CAMTA1: variants seen among roughly 807,000 people sequenced by gnomAD.
CAMTA1 encodes the protein calmodulin binding transcription activator 1.
A neutral mutation model predicts 170.9 loss-of-function variants in CAMTA1; 27 were observed. The ratio of observed to expected loss-of-function variants is 0.16; its 90% CI spans 0.12 to 0.22. CAMTA1 has a LOEUF of 0.22. CAMTA1 is among the 10% of genes least tolerant of loss of function. The pLI is 1.00. For synonymous variants in CAMTA1, 833 were observed against 891.5 expected, an observed-to-expected ratio of 0.93 and a Z score of 1.17; for missense variants, 1,619 against 2,217.2, an observed-to-expected ratio of 0.73 and a Z score of 5.42.
At chr1:7,617,830 G>A (rs1019765467) in intron 6 of CAMTA1, among the ~76,000 whole-genome samples, 2 of 152,090 alleles carry the variant, frequency 1.3e-5, no homozygotes, top group African/African-American at 4.8e-5. Context: ...GGAGAATCGG[G>A]GTCCCCAACT....
At chr1:7,073,111 T>C (rs1455276328) in intron 3 of CAMTA1, among the ~76,000 whole-genome samples, 1 of 152,112 alleles carries the variant, frequency 6.6e-6, no homozygotes, top group Non-Finnish European at 1.5e-5. Flanking sequence ...ATTTTGGCCA[T>C]ATTTTGAAGG....
intron 17 of CAMTA1, 59 bp from the exon 18 acceptor site, chr1:7,745,786 C>T: frequency 3.1e-6 from 5 of 1,602,056 alleles, no homozygotes; most frequent in African/African-American, 1.3e-5. Flanking sequence ...TCATTAATAT[C>T]TAATGGGTGG....
chr1:7,602,634 GT>G (rs1286957728), intron 6 of CAMTA1, among the ~76,000 whole-genome samples: 2 of 152,114 alleles, frequency 1.3e-5, no homozygotes, highest in Admixed American at 6.5e-5. Flanking sequence ...TTTTTGAAGG[GT>G]TTTTTGTGTC....
intron 5 of CAMTA1, among the ~76,000 whole-genome samples, chr1:7,417,638 A>T (rs996450495): frequency 1.3e-5 from 2 of 152,152 alleles, no homozygotes; most frequent in African/African-American, 4.8e-5. Flanking sequence ...TGCAGTATTT[A>T]GGGTGGGAGT....
At chr1:7,573,703 T>G (rs1367564284) in intron 6 of CAMTA1, among the ~76,000 whole-genome samples, 1 of 152,200 alleles carries the variant, frequency 6.6e-6, no homozygotes, top group South Asian at 2.1e-4. Context: ...GCCTCTAGTG[T>G]GTCTCTCCAG....
intron 4 of CAMTA1, among the ~76,000 whole-genome samples, chr1:7,175,864 A>C (rs1203347624): frequency 6.6e-6 from 1 of 152,128 alleles, no homozygotes; most frequent in Non-Finnish European, 1.5e-5. Flanking sequence ...GGTTTCAGAA[A>C]GGCTCTTTCC....
chr1:7,082,569 T>C (rs1423828653), intron 3 of CAMTA1, among the ~76,000 whole-genome samples: 1 of 152,204 alleles, frequency 6.6e-6, no homozygotes, highest in South Asian at 2.1e-4. Flanking sequence ...TTGCCTGGCA[T>C]TGAATTCCTC....
intron 4 of CAMTA1, among the ~76,000 whole-genome samples, chr1:7,131,968 T>C (rs1308048196): frequency 2.6e-5 from 4 of 151,924 alleles, no homozygotes; most frequent in Non-Finnish European, 5.9e-5. Flanking sequence ...GGCAGGAGAA[T>C]CGCCTGAACC....
At chr1:7,382,007 C>T (rs1451632380) in intron 5 of CAMTA1, among the ~76,000 whole-genome samples, 2 of 152,182 alleles carry the variant, frequency 1.3e-5, no homozygotes, top group African/African-American at 4.8e-5. Context: ...AATGCAGTAC[C>T]ACTGTCCTCA....
At chr1:7,360,626 C>T (rs1471489869) in intron 5 of CAMTA1, among the ~76,000 whole-genome samples, 1 of 152,194 alleles carries the variant, frequency 6.6e-6, no homozygotes, top group Non-Finnish European at 1.5e-5. Flanking sequence ...ATGGGAGGTG[C>T]TCATGCCTTT....
chr1:7,704,936 G>C (rs1268544686), intron 11 of CAMTA1, among the ~76,000 whole-genome samples: 22 of 143,414 alleles, frequency 1.5e-4, no homozygotes, highest in Admixed American at 1.4e-3. Flanking sequence ...GGGCGCGTGC[G>C]GTCGAGGGCG....
chr1:6,929,905 T>C (rs1209429363), intron 3 of CAMTA1, among the ~76,000 whole-genome samples: 2 of 152,212 alleles, frequency 1.3e-5, no homozygotes, highest in African/African-American at 4.8e-5. Flanking sequence ...CTTCGGTCCA[T>C]GAGCACCTAG....
At chr1:7,491,569 C>A (rs1161142759) in intron 6 of CAMTA1, among the ~76,000 whole-genome samples, 2 of 152,088 alleles carry the variant, frequency 1.3e-5, no homozygotes, top group Admixed American at 1.3e-4. Flanking sequence ...AAAGGCAGAG[C>A]GTTAAATAAT....
intron 5 of CAMTA1, among the ~76,000 whole-genome samples, chr1:7,421,619 C>G (rs993964480): frequency 6.6e-6 from 1 of 152,198 alleles, no homozygotes; most frequent in African/African-American, 2.4e-5. Flanking sequence ...ACGGCCTCCC[C>G]CTCTTGGGCT....
Position 7,248,970 on chromosome 1 carries a change from G to T in CAMTA1, c.303-521G>T, listed in dbSNP as rs1228092517. Among the ~76,000 whole-genome samples the T allele has an allele frequency of 1.3e-5, 2 of 152,176 alleles. No individual in the cohort carries two copies. Among genetic ancestry groups the T allele is most frequent in the South Asian group, 4.1e-4 (2 of 4,830 alleles). On this transcript the variant is annotated intron_variant, in intron 4 of 22. Transcript: ENST00000303635. The surrounding 1 kb of genome is among the most constrained non-coding windows in gnomAD (Gnocchi z 4.0). ...TTTCATATCTAGCAGTAATCTAAATGCAGGCAATGAACCAACAGCATTTGG... is the reference window on the plus strand; with the variant it reads ...TTTCATATCTAGCAGTAATCTAAATTCAGGCAATGAACCAACAGCATTTGG...
chr1:7,506,264 C>T (rs1187731397), intron 6 of CAMTA1, among the ~76,000 whole-genome samples: 1 of 152,084 alleles, frequency 6.6e-6, no homozygotes, highest in Non-Finnish European at 1.5e-5. Context: ...GACTGAGTCC[C>T]AGGTGCCCCA....
intron 9 of CAMTA1, among the ~76,000 whole-genome samples, chr1:7,667,917 G>T (rs942632201): frequency 2.0e-5 from 3 of 152,240 alleles, no homozygotes; most frequent in South Asian, 2.1e-4. Flanking sequence ...CACACAGTGA[G>T]GCCTCAGAGG....
chr1:7,378,424 A>C (rs1169687690), intron 5 of CAMTA1, among the ~76,000 whole-genome samples: 1 of 152,258 alleles, frequency 6.6e-6, no homozygotes, highest in African/African-American at 2.4e-5. Context: ...ATATTCACCC[A>C]TAAACAGGAA....
chr1:6,816,003 A>C (rs1276263351), intron 1 of CAMTA1, among the ~76,000 whole-genome samples: 1 of 152,156 alleles, frequency 6.6e-6, no homozygotes, highest in Non-Finnish European at 1.5e-5. Context: ...CCTTGGATAC[A>C]TCTTGGGATC....
Sources: allele counts gnomAD v4.1 joint callset (sites outside exome capture counted in the v4.1 genomes callset), GRCh38; gene constraint gnomAD v4.1.1; non-coding constraint Gnocchi (gnomAD v3.1); transcripts MANE v1.5; gene names NCBI Gene and HGNC (gene_info 2026-07-23, HGNC 2026-07-21).